The following PDZD2 variants were observed in gnomAD, a reference collection of about 807,000 sequenced individuals.
The protein encoded by PDZD2 is PDZ domain containing 2, also known as PDZ domain-containing protein 2.
PDZD2 carries 90 observed loss-of-function variants against 220.7 expected under a neutral mutation model. The ratio of observed to expected loss-of-function variants is 0.41; its 90% CI spans 0.34 to 0.49. PDZD2 has a LOEUF of 0.49. Ranked by LOEUF, PDZD2 falls within the 20% of genes least tolerant of loss-of-function variation. The probability of loss-of-function intolerance (pLI) is 0.28; values close to 1 mark genes in which losing one functional copy is unlikely to be tolerated. For missense variants in PDZD2, 3,174 were observed against 3,608.5 expected, an observed-to-expected ratio of 0.88 and a Z score of 3.08; for synonymous variants, 1,375 against 1,450.5, an observed-to-expected ratio of 0.95 and a Z score of 1.18.
At chr5:31,810,657 T>G (rs1290071790) in intron 2 of PDZD2, among the ~76,000 whole-genome samples, 1 of 152,188 alleles carries the variant, frequency 6.6e-6, no homozygotes, top group African/African-American at 2.4e-5. Flanking sequence ...GGTAACCAAC[T>G]GCAATGAGTA....
chr5:31,650,402 C>A (rs375381661), intron 1 of PDZD2, among the ~76,000 whole-genome samples: 4 of 152,160 alleles, frequency 2.6e-5, no homozygotes, highest in African/African-American at 9.7e-5. Flanking sequence ...CGATTCCATA[C>A]AGAATCTCTG....
chr5:31,940,801 A>T (rs1035471433), intron 2 of PDZD2, among the ~76,000 whole-genome samples: 2 of 152,198 alleles, frequency 1.3e-5, no homozygotes, highest in African/African-American at 4.8e-5. Flanking sequence ...TTTCAGTGAG[A>T]CACCTGAGAC....
intron 2 of PDZD2, among the ~76,000 whole-genome samples, chr5:31,917,529 AAAATAAACATT>A (rs1228511227): frequency 6.6e-6 from 1 of 152,164 alleles, no homozygotes; most frequent in Non-Finnish European, 1.5e-5. Context: ...CCCTTTCTCA[AAAATAAACATT>A]AAATATCCCT....
intron 1 of PDZD2, among the ~76,000 whole-genome samples, chr5:31,695,215 T>C (rs10472779): frequency 0.19 from 29,584 of 152,150 alleles, 2,867 homozygotes; most frequent in East Asian, 0.29. Context: ...AAGTCCACCT[T>C]GAATACTGTG....
chr5:31,976,319 A>C (rs191049176), intron 2 of PDZD2, among the ~76,000 whole-genome samples: 1,543 of 152,290 alleles, frequency 0.01, 24 homozygotes, highest in Admixed American at 0.012. Flanking sequence ...CAGTTCTCTG[A>C]GTTAATTAGG....
chr5:31,984,041 T>G lies in PDZD2; in HGVS notation c.978+385T>G, dbSNP rs545133716. ...CTGCTGTCACCAGTGGAATCGCTGC[T>G]GCAAGGCCAAGAATTCCTGATGGCA... On this transcript the variant is annotated intron_variant, in intron 3 of 24. Coordinates refer to ENST00000438447, the MANE Select transcript of PDZD2 (RefSeq NM_178140.4). 5.9e-5 allele frequency among the ~76,000 whole-genome samples: 9 copies of G among 152,340 alleles called. No homozygotes were observed. In the South Asian group the frequency reaches 1.9e-3, roughly 32 times the overall value.
intron 1 of PDZD2, among the ~76,000 whole-genome samples, chr5:31,778,832 G>A (rs1466087466): frequency 6.6e-6 from 1 of 152,100 alleles, no homozygotes; most frequent in African/African-American, 2.4e-5. Flanking sequence ...CAAGCATTTA[G>A]AAGATCTAGA....
intron 1 of PDZD2, among the ~76,000 whole-genome samples, chr5:31,750,623 G>A (rs59672988): frequency 0.013 from 2,027 of 152,262 alleles, 47 homozygotes; most frequent in African/African-American, 0.047. Flanking sequence ...GAAGGTCCGA[G>A]TGGGTGCTGT....
chr5:32,048,493 C>CT (rs1561446078), intron 7 of PDZD2, 46 bp from the exon 8 acceptor site: 2 of 1,558,652 alleles, frequency 1.3e-6, no homozygotes, highest in Non-Finnish European at 1.8e-6. Flanking sequence ...GCTTACGATT[C>CT]TTTTTGTCCC....
At chr5:31,676,402 A>G (rs1746418676) in intron 1 of PDZD2, among the ~76,000 whole-genome samples, 1 of 152,124 alleles carries the variant, frequency 6.6e-6, no homozygotes, top group African/African-American at 2.4e-5. Context: ...TGACAAGTGG[A>G]CGAGAGGGAC....
In PDZD2 at chr5:31,871,415, T is replaced by C. The variant is rs533811964; in HGVS notation, c.476+71691T>C. Among the ~76,000 whole-genome samples the C allele has an allele frequency of 3.9e-5, 6 of 152,326 alleles. No homozygotes were observed. In the East Asian group the frequency reaches 1.2e-3, roughly 29 times the overall value. On this transcript the variant is annotated intron_variant, in intron 2 of 24. Coordinates refer to ENST00000438447, the MANE Select transcript of PDZD2 (RefSeq NM_178140.4). ...ATTTTAATAATATATATTGTCATCT[T>C]GAATCATTGCTTCCATACCTTCATT...
chr5:31,731,719 G>A (rs1749547973), intron 1 of PDZD2, among the ~76,000 whole-genome samples: 1 of 152,190 alleles, frequency 6.6e-6, no homozygotes, highest in Non-Finnish European at 1.5e-5. Context: ...TCATGTGGAT[G>A]CACCACATTT....
At chr5:31,880,801 T>TC (rs1157113826) in intron 2 of PDZD2, among the ~76,000 whole-genome samples, 5 of 129,708 alleles carry the variant, frequency 3.9e-5, no homozygotes, top group Admixed American at 1.6e-4. Flanking sequence ...CTTTTTTTTT[T>TC]TTTTTTTTTT....
At chr5:31,653,267 C>T (rs1580520174) in intron 1 of PDZD2, among the ~76,000 whole-genome samples, 1 of 152,146 alleles carries the variant, frequency 6.6e-6, no homozygotes, top group South Asian at 2.1e-4. Context: ...AAACACTAGA[C>T]TGGAAGGTTC....
chr5:32,076,600 T>G (rs1163486521), intron 18 of PDZD2, among the ~76,000 whole-genome samples: 1 of 152,198 alleles, frequency 6.6e-6, no homozygotes, highest in Non-Finnish European at 1.5e-5. Flanking sequence ...TAAATTCTGT[T>G]TTTATTTACT....
intron 14 of PDZD2, among the ~76,000 whole-genome samples, chr5:32,066,740 T>G (rs1740245728): frequency 6.6e-6 from 1 of 152,260 alleles, no homozygotes; most frequent in Non-Finnish European, 1.5e-5. Context: ...TCATGATTTG[T>G]TCAGAGGTCT....
chr5:31,947,978 C>T (rs1312729259), intron 2 of PDZD2, among the ~76,000 whole-genome samples: 2 of 152,112 alleles, frequency 1.3e-5, no homozygotes, highest in Non-Finnish European at 2.9e-5. Context: ...AGGGTGGTCT[C>T]ATTATCATCA....
chr5:31,793,489 G>A (rs1362094398), intron 1 of PDZD2, among the ~76,000 whole-genome samples: 1 of 152,160 alleles, frequency 6.6e-6, no homozygotes, highest in East Asian at 1.9e-4. Context: ...GAGCAAGAGA[G>A]GCTGACTGCC....
intron 7 of PDZD2, among the ~76,000 whole-genome samples, chr5:32,045,722 C>G (rs1485594735): frequency 1.3e-5 from 2 of 151,860 alleles, no homozygotes; most frequent in African/African-American, 4.8e-5. Context: ...TCACCGCGCC[C>G]AGCCTATGAT....
Sources: allele counts gnomAD v4.1 joint callset (sites outside exome capture counted in the v4.1 genomes callset), GRCh38; gene constraint gnomAD v4.1.1; transcripts MANE v1.5; gene names NCBI Gene and HGNC (gene_info 2026-07-23, HGNC 2026-07-21).